ATP10B: variants seen among roughly 807,000 people sequenced by gnomAD.
ATP10B encodes phospholipid-transporting ATPase VB.
In ATP10B, 122 loss-of-function variants were observed where a neutral mutation model predicts 141.2. That is an observed-to-expected ratio of 0.86 (90% CI 0.75 to 1.00). The LOEUF (loss-of-function observed/expected upper bound fraction) is 1.00. Among genes scored for constraint, ATP10B ranks in the 50% least tolerant of loss-of-function variants. ATP10B has a pLI of 0.00. For synonymous variants in ATP10B, 685 were observed against 692.0 expected, an observed-to-expected ratio of 0.99 and a Z score of 0.16; for missense variants, 1,876 against 1,825.3, an observed-to-expected ratio of 1.03 and a Z score of -0.51.
intron 1 of ATP10B, among the ~76,000 whole-genome samples, chr5:160,835,051 G>A (rs1775331596): frequency 6.6e-6 from 1 of 152,088 alleles, no homozygotes; most frequent in East Asian, 1.9e-4. Flanking sequence ...GATTACTGAT[G>A]AGGCTGAAGT....
intron 24 of ATP10B, among the ~76,000 whole-genome samples, chr5:160,580,023 G>A (rs1024307968): frequency 6.6e-6 from 1 of 152,196 alleles, no homozygotes; most frequent in African/African-American, 2.4e-5. Context: ...TGTATCCCAA[G>A]ACTTTGCTGA....
In ATP10B at chr5:160,698,999, C is replaced by T. The variant is rs115230876; in HGVS notation, c.-204-10056G>A. 3.5e-3 allele frequency among the ~76,000 whole-genome samples: 537 copies of T among 152,298 alleles called. 5 individuals carry two copies. The highest frequency in any genetic ancestry group is 0.013 in the African/African-American group (524 of 41,580). On this transcript the variant is annotated intron_variant, in intron 3 of 25. Transcript: ENST00000327245. ...GAAAATCTGCACTCTTCACCAGCTCCTAGGTCATTCTAATGTAGGGGTTGC... is the reference window on the plus strand; with the variant it reads ...GAAAATCTGCACTCTTCACCAGCTCTTAGGTCATTCTAATGTAGGGGTTGC...
the ATP10B span, among the ~76,000 whole-genome samples, chr5:160,876,767 A>T: frequency 6.6e-6 from 1 of 151,424 alleles, no homozygotes; most frequent in Non-Finnish European, 1.5e-5. Flanking sequence ...CTCTACGCAA[A>T]TAAACTAGAA....
chr5:160,860,040 A>G, the ATP10B span, among the ~76,000 whole-genome samples: 4 of 151,926 alleles, frequency 2.6e-5, no homozygotes, highest in Non-Finnish European at 5.9e-5. Flanking sequence ...TAAAAAATAT[A>G]AAACAACGTA....
chr5:160,616,097 A>C, intron 16 of ATP10B, 133 bp from the exon 17 acceptor site: 1 of 889,874 alleles, frequency 1.1e-6, no homozygotes, highest in Non-Finnish European at 1.5e-6. Flanking sequence ...CTTTCTTCTC[A>C]AAGACTTTTT....
At chr5:160,799,031 C>T (rs929500120) in intron 1 of ATP10B, among the ~76,000 whole-genome samples, 2 of 151,994 alleles carry the variant, frequency 1.3e-5, no homozygotes, top group African/African-American at 4.8e-5. Context: ...GATTACAGGC[C>T]TAAGCCACCA....
At chr5:160,588,430 T>G (rs1035311412) in intron 24 of ATP10B, among the ~76,000 whole-genome samples, 4 of 152,200 alleles carry the variant, frequency 2.6e-5, no homozygotes, top group African/African-American at 9.6e-5. Context: ...CATTGCAGAA[T>G]GTAGGAACAT....
chr5:160,587,583 T>G (rs148068967), intron 24 of ATP10B, among the ~76,000 whole-genome samples: 2,376 of 152,368 alleles, frequency 0.016, 28 homozygotes, highest in Middle Eastern at 0.075. Context: ...TTTCCATTTG[T>G]TTGTGTCCTC....
At chr5:160,708,383 C>A (rs1227237053) in intron 3 of ATP10B, among the ~76,000 whole-genome samples, 1 of 152,134 alleles carries the variant, frequency 6.6e-6, no homozygotes, top group Non-Finnish European at 1.5e-5. Flanking sequence ...AGATAACACC[C>A]CATCTAGTGA....
chr5:160,667,581 T>A (rs924956816), intron 7 of ATP10B, among the ~76,000 whole-genome samples: 8 of 152,186 alleles, frequency 5.3e-5, no homozygotes, highest in Non-Finnish European at 1.0e-4. Flanking sequence ...CACATAGGAA[T>A]TTACCTCTCT....
intron 2 of ATP10B, among the ~76,000 whole-genome samples, chr5:160,756,888 T>C (rs1768661421): frequency 6.6e-6 from 1 of 152,160 alleles, no homozygotes; most frequent in African/African-American, 2.4e-5. Flanking sequence ...ACGCGAATAT[T>C]TTTTCCTAGT....
At chr5:160,613,301 G>T (rs1274802159) in intron 17 of ATP10B, among the ~76,000 whole-genome samples, 1 of 152,172 alleles carries the variant, frequency 6.6e-6, no homozygotes, top group Non-Finnish European at 1.5e-5. Flanking sequence ...ATCAGTGTGT[G>T]TGAAGTCCCA....
intron 7 of ATP10B, among the ~76,000 whole-genome samples, chr5:160,651,960 G>A (rs1760771373): frequency 6.6e-6 from 1 of 152,138 alleles, no homozygotes; most frequent in African/African-American, 2.4e-5. Flanking sequence ...TCAGTGGTGG[G>A]TCTCTAAATC....
At chr5:160,917,120 A>G in the ATP10B span, among the ~76,000 whole-genome samples, 1 of 152,110 alleles carries the variant, frequency 6.6e-6, no homozygotes, top group Non-Finnish European at 1.5e-5. Flanking sequence ...CCTCCAGAGA[A>G]CATCATGTGA....
rs142154380 is a variant in ATP10B at position 160,799,184 on chromosome 5, T to TCAGAACACTTCCC, written c.-575-13394_-575-13382dup. ...AATGAGTAAAAAGAAGTCCTCGGAC[T>TCAGAACACTTCCC]CAGAACACTTCCCCACATCTTTCCA... is the stretch of plus-strand genomic sequence containing the variant. On this transcript the variant is annotated intron_variant, in intron 1 of 25. Transcript: ENST00000327245. 9.3e-4 allele frequency among the ~76,000 whole-genome samples: 142 copies of TCAGAACACTTCCC among 152,254 alleles called. 1 individual carries two copies. In the East Asian group the frequency reaches 0.021, roughly 22 times the overall value.
At chr5:160,874,508 T>C in the ATP10B span, among the ~76,000 whole-genome samples, 928 of 152,034 alleles carry the variant, frequency 6.1e-3, 15 homozygotes, top group African/African-American at 0.022. Context: ...CAGTTCCTCA[T>C]CAGCAACGGA....
At chr5:160,682,662 G>C (rs891996740) in intron 6 of ATP10B, among the ~76,000 whole-genome samples, 5 of 152,104 alleles carry the variant, frequency 3.3e-5, no homozygotes, top group Admixed American at 2.6e-4. Flanking sequence ...TTCCTGGCTT[G>C]CCACTGTGTA....
the ATP10B span, among the ~76,000 whole-genome samples, chr5:160,867,953 C>T: frequency 5.3e-5 from 8 of 152,108 alleles, no homozygotes; most frequent in African/African-American, 1.7e-4. Context: ...GAACATGTAT[C>T]GTTATTCAGG....
chr5:160,765,682 G>T (rs1247202810), intron 2 of ATP10B, among the ~76,000 whole-genome samples: 1 of 152,130 alleles, frequency 6.6e-6, no homozygotes, highest in East Asian at 1.9e-4. Context: ...GAATCTAAAA[G>T]TAAATGCAAG....
Sources: gnomAD v4.1 joint callset for allele counts (sites outside exome capture counted in the v4.1 genomes callset) on GRCh38, gnomAD v4.1.1 for gene constraint, MANE v1.5 for transcripts, NCBI Gene and HGNC (gene_info 2026-07-23, HGNC 2026-07-21) for gene names.